Variants in ASB1 observed in about 807,000 individuals in gnomAD.
The protein encoded by ASB1 is ankyrin repeat and SOCS box protein 1.
In ASB1, 18 loss-of-function variants were observed where a neutral mutation model predicts 27.7. That is an observed-to-expected ratio of 0.65 (90% CI 0.45 to 0.96). The LOEUF is 0.96. Ranked by LOEUF, ASB1 falls within the 50% of genes least tolerant of loss-of-function variation. The probability of loss-of-function intolerance (pLI) is 0.00; values close to 1 mark genes in which losing one functional copy is unlikely to be tolerated. For missense variants in ASB1, 397 were observed against 451.7 expected, an observed-to-expected ratio of 0.88 and a Z score of 1.10; for synonymous variants, 189 against 187.6, an observed-to-expected ratio of 1.01 and a Z score of -0.06.
At chr2:238,433,725 G>C in intron 2 of ASB1, 30 bp downstream of exon 2, 1 of 1,611,114 alleles carries the variant, frequency 6.2e-7, no homozygotes, top group Non-Finnish European at 8.5e-7. Context: ...GCTGGTCCGG[G>C]TACTAGGGCC....
At chr2:238,427,283 G>C (rs1458252502) in intron 1 of ASB1, 164 bp downstream of exon 1, 14 of 431,116 alleles carry the variant, frequency 3.2e-5, no homozygotes, top group Non-Finnish European at 5.4e-5. Flanking sequence ...AGCGCGGCTC[G>C]CAGTGCTGGG....
chr2:238,448,554 A>T lies in ASB1; in HGVS notation c.*2043A>T, dbSNP rs1408555363. 6.6e-6 allele frequency: 1 copy of T among 152,158 alleles called. No homozygotes were observed. The highest frequency in any genetic ancestry group is 2.4e-5 in the African/African-American group (1 of 41,426). The allele number at this position is 152,158 out of a possible 1,614,324, so 9.4% of individuals were successfully genotyped here. On this transcript the variant is annotated 3_prime_UTR_variant, in exon 5 of 5. Coordinates refer to ENST00000264607, the MANE Select transcript of ASB1 (RefSeq NM_001040445.3). ...AGGGTGGCTTTTTTCGAGGTGAGCCATGTTGTAGACACATGATACGCTCTG... is the reference window on the plus strand; with the variant it reads ...AGGGTGGCTTTTTTCGAGGTGAGCCTTGTTGTAGACACATGATACGCTCTG...
chr2:238,427,332 G>C (rs1322624545), intron 1 of ASB1: 2 of 376,962 alleles, frequency 5.3e-6, no homozygotes, highest in African/African-American at 4.2e-5. Flanking sequence ...CCTCGGCCTC[G>C]AGTGCAGTCC....
chr2:238,431,252 G>T (rs1020410308), intron 1 of ASB1, among the ~76,000 whole-genome samples: 8 of 152,164 alleles, frequency 5.3e-5, no homozygotes, highest in African/African-American at 1.9e-4. Context: ...TTGTACTTTT[G>T]TGTGATGGAG....
chr2:238,443,711 C>G (rs1559415808), intron 3 of ASB1, among the ~76,000 whole-genome samples: 1 of 150,992 alleles, frequency 6.6e-6, no homozygotes, highest in Non-Finnish European at 1.5e-5. Flanking sequence ...TTTAAACATG[C>G]ATAGCTCTTG....
At chr2:238,445,075 G>A (rs550806129) in intron 4 of ASB1, among the ~76,000 whole-genome samples, 6 of 148,322 alleles carry the variant, frequency 4.0e-5, no homozygotes, top group African/African-American at 1.5e-4. Context: ...ATGACCTCCT[G>A]GGCTCATGCA....
Position 238,433,567 on chromosome 2 carries a change from G to A in ASB1, c.63G>A (p.Lys21=). The change falls in exon 2 of 5, where the codon AAG becomes AAA. Residue 21 remains lysine (K), a synonymous_variant. Coordinates refer to ENST00000264607, the MANE Select transcript of ASB1 (RefSeq NM_001040445.3). ...TCTTCAGTGCAGGTCGTAATCTGAA[G>A]GAGTGGCTGAGGGAGCAATTTTGTG... is the stretch of plus-strand genomic sequence containing the variant. ...AGPGSAGRNL[K]EWLREQFCDH... is the part of the protein sequence containing the mutation. 6.2e-7 allele frequency: 1 copy of A among 1,614,176 alleles called. No homozygotes were observed. The highest frequency in any genetic ancestry group is 8.5e-7 in the Non-Finnish European group (1 of 1,180,028).
At chr2:238,440,812 A>G (rs532572610) in intron 3 of ASB1, among the ~76,000 whole-genome samples, 2 of 152,332 alleles carry the variant, frequency 1.3e-5, no homozygotes, top group South Asian at 4.1e-4. Context: ...TGAGGCTTCT[A>G]AGTCAGGTGG....
At chr2:238,434,802 A>C (rs865836975) in intron 2 of ASB1, among the ~76,000 whole-genome samples, 1 of 152,146 alleles carries the variant, frequency 6.6e-6, no homozygotes, top group Non-Finnish European at 1.5e-5. Context: ...ATTTCCCAGC[A>C]CTGTTTCTCC....
At chr2:238,427,344 C>T (rs968496446) in intron 1 of ASB1, 2 of 376,686 alleles carry the variant, frequency 5.3e-6, no homozygotes, top group Non-Finnish European at 9.4e-6. Flanking sequence ...GTGCAGTCCC[C>T]GCGCTAGATT....
At position 238,446,462 on chromosome 2, in the gene ASB1, C is replaced by T; in HGVS notation, c.959C>T (p.Pro320Leu). 1 of 1,614,156 alleles carries T rather than the reference C, an allele frequency of 6.2e-7. No homozygotes were observed. The highest frequency in any genetic ancestry group is 1.1e-5 in the South Asian group (1 of 91,080). The change falls in exon 5 of 5, where the codon CCT (proline) becomes CTT (leucine). Residue 320 changes from proline to leucine, a missense_variant. Transcript: ENST00000264607. ...GGCAAACACCGGCTTCATCTGATTC[C>T]TTCGCTGCCTCTGCCAGACCCCATA... ...ALGKHRLHLIPSLPLPDPIKK... is the reference protein window; with the variant it reads ...ALGKHRLHLILSLPLPDPIKK...
intron 3 of ASB1, among the ~76,000 whole-genome samples, chr2:238,438,198 C>CTTTTTTT (rs1559414171): frequency 1.8e-4 from 8 of 44,968 alleles, no homozygotes; most frequent in African/African-American, 7.1e-4. Context: ...AGATGCCCTT[C>CTTTTTTT]ATTTTTTTTT....
At chr2:238,428,712 G>T (rs1269114663) in intron 1 of ASB1, among the ~76,000 whole-genome samples, 1 of 152,210 alleles carries the variant, frequency 6.6e-6, no homozygotes, top group East Asian at 1.9e-4. Flanking sequence ...TGGGGCAGTT[G>T]TGTTGTCATT....
At chr2:238,430,640 G>C (rs1103770) in intron 1 of ASB1, among the ~76,000 whole-genome samples, 106,336 of 151,706 alleles carry the variant, frequency 0.7, 37,728 homozygotes, top group African/African-American at 0.8. Context: ...TCATTTTTGC[G>C]CAGATCCATG....
chr2:238,428,358 T>A (rs1349133047), intron 1 of ASB1, among the ~76,000 whole-genome samples: 1 of 152,208 alleles, frequency 6.6e-6, no homozygotes, highest in East Asian at 1.9e-4. Flanking sequence ...TGGCGTGATC[T>A]CGGCCCACTG....
intron 2 of ASB1, 46 bp downstream of exon 2, chr2:238,433,741 G>A (rs755913910): frequency 3.1e-6 from 5 of 1,606,188 alleles, no homozygotes; most frequent in South Asian, 1.1e-5. Flanking sequence ...GGGCCCTGAA[G>A]GTCTGTGTGA....
At chr2:238,436,251 T>G (rs1343009220) in intron 3 of ASB1, among the ~76,000 whole-genome samples, 1 of 152,096 alleles carries the variant, frequency 6.6e-6, no homozygotes, top group South Asian at 2.1e-4. Flanking sequence ...AGTTGACTGC[T>G]TATTCATTTT....
chr2:238,440,690 T>G (rs1042708949), intron 3 of ASB1, among the ~76,000 whole-genome samples: 1 of 150,576 alleles, frequency 6.6e-6, no homozygotes, highest in South Asian at 2.1e-4. Flanking sequence ...GCACTTGCCC[T>G]GGAAGAACCC....
chr2:238,433,411 A>G (rs1701906996), intron 1 of ASB1, 143 bp from the exon 2 acceptor site: 1 of 1,019,214 alleles, frequency 9.8e-7, no homozygotes, highest in Admixed American at 2.5e-5. Flanking sequence ...GCGTGCCACC[A>G]TGCCCAGCTT....
Sources: gnomAD v4.1 joint callset for allele counts (sites outside exome capture counted in the v4.1 genomes callset) on GRCh38, gnomAD v4.1.1 for gene constraint, MANE v1.5 for transcripts, NCBI Gene and HGNC (gene_info 2026-07-23, HGNC 2026-07-21) for gene names.